TAF6L: variants seen among roughly 807,000 people sequenced by gnomAD.
TAF6L encodes TATA-box binding protein associated factor 6 like, also known as TAF6-like RNA polymerase II p300/CBP-associated factor-associated factor 65 kDa subunit 6L.
In TAF6L, 34 loss-of-function variants were observed where a neutral mutation model predicts 57.3. The observed-to-expected ratio is 0.59, with a 90% CI of 0.45 to 0.79. TAF6L has a LOEUF of 0.79. Ranked by LOEUF, TAF6L falls within the 30% of genes least tolerant of loss-of-function variation. TAF6L has a pLI of 0.00. For synonymous variants in TAF6L, 417 were observed against 376.3 expected (o/e 1.11, Z -1.25); for missense variants, 782 against 853.2 (o/e 0.92, Z 1.04).
intron 9 of TAF6L, among the ~76,000 whole-genome samples, chr11:62,785,350 C>A (rs1214709760): frequency 6.6e-6 from 1 of 151,474 alleles, no homozygotes; most frequent in African/African-American, 2.4e-5. Flanking sequence ...CACCACCATA[C>A]CTGGCTAATT....
At position 62,787,280 on chromosome 11, in the gene TAF6L, T is replaced by TGTACTTGCC. The variant is rs1467849868; in HGVS notation, c.1855_1863dup (p.Tyr619_Pro621dup). ...CGGTGGGCGCTCTCGGACTACTCGC[T>TGTACTTGCC]GTACTTGCCGCTCTGAGTCAGTGGC... On this transcript the variant is annotated inframe_insertion, in exon 11 of 11. Transcript: ENST00000294168. 3.2e-6 allele frequency: 5 copies of TGTACTTGCC among 1,547,340 alleles called. No individual in the cohort carries two copies. In the Admixed American group the frequency reaches 9.6e-5, roughly 30 times the overall value.
intron 6 of TAF6L, among the ~76,000 whole-genome samples, chr11:62,779,896 C>G (rs2084214386): frequency 6.9e-6 from 1 of 144,684 alleles, no homozygotes; most frequent in African/African-American, 2.5e-5. Flanking sequence ...AAACTCCTGA[C>G]CTCAGGTGAT....
rs115442656 is a variant in TAF6L, at chr11:62,778,138, G to A, written c.385+10G>A. 1.7e-3 allele frequency: 2,736 copies of A among 1,614,090 alleles called. 40 individuals carry two copies. The African/African-American group carries it at 0.032, about 19-fold the overall frequency. ...GAGACAGCTGTCAGAGGTGGCTGCCGGGGTCCTGCATGGGTTGGGGATGGG... is the reference window on the plus strand; with the variant it reads ...GAGACAGCTGTCAGAGGTGGCTGCCAGGGTCCTGCATGGGTTGGGGATGGG... On this transcript the variant is annotated intron_variant, in intron 4 of 10. Coordinates refer to ENST00000294168, the MANE Select transcript of TAF6L (RefSeq NM_006473.4).
chr11:62,787,219 C>G lies in TAF6L; in HGVS notation c.1792C>G (p.Leu598Val). The G allele has an allele frequency of 1.9e-6, 3 of 1,587,544 alleles. No homozygotes were observed. The highest frequency in any genetic ancestry group is 1.7e-4 in the Middle Eastern group (1 of 6,030). The change falls in exon 11 of 11, where the codon CTG becomes GTG. Residue 598 changes from leucine to valine, a missense_variant. Physicochemically the swap from Leu to Val is conservative, Grantham distance 32 (BLOSUM62 1). Transcript: ENST00000294168. ...PSPASRYVQK[L>V]PMIGRTSRPA... ...CCCGGCCTCGCGCTACGTGCAGAAA[C>G]TGCCCATGATCGGCCGTACCAGCCG...
At chr11:62,773,435 C>T (rs1324698832) in intron 1 of TAF6L, among the ~76,000 whole-genome samples, 3 of 150,748 alleles carry the variant, frequency 2.0e-5, no homozygotes, top group African/African-American at 4.9e-5. Context: ...TGAGCCACTG[C>T]GCCCGGCCTA....
At chr11:62,774,485 A>G in intron 1 of TAF6L, 4 of 435,250 alleles carry the variant, frequency 9.2e-6, no homozygotes, top group South Asian at 6.5e-5. Flanking sequence ...CTGGTGACCC[A>G]TTGATCCCCT....
chr11:62,772,510 G>A (rs1346713086), intron 1 of TAF6L, among the ~76,000 whole-genome samples: 2 of 146,766 alleles, frequency 1.4e-5, no homozygotes, highest in South Asian at 2.2e-4. Context: ...GTGACAGAGC[G>A]AGACTGTGTC....
In TAF6L at chr11:62,787,278, G is replaced by C; in HGVS notation, c.1851G>C (p.Ser617=). The change falls in exon 11 of 11, where the codon TCG becomes TCC. Residue 617 remains serine, a synonymous_variant. Coordinates refer to ENST00000294168, the MANE Select transcript of TAF6L (RefSeq NM_006473.4). Reference sequence around the variant, plus strand: ...GCCGGTGGGCGCTCTCGGACTACTCGCTGTACTTGCCGCTCTGAGTCAGTG... The same window carrying C: ...GCCGGTGGGCGCTCTCGGACTACTCCCTGTACTTGCCGCTCTGAGTCAGTG... The part of the protein sequence containing the change: ...PARRWALSDY[S]LYLPL The C allele has an allele frequency of 1.3e-6, 2 of 1,549,660 alleles. No homozygotes were observed. Among genetic ancestry groups the C allele is most frequent in the Non-Finnish European group, 1.7e-6 (2 of 1,155,484 alleles).
chr11:62,780,929 T>G (rs1209415428), intron 6 of TAF6L, among the ~76,000 whole-genome samples: 5 of 105,892 alleles, frequency 4.7e-5, no homozygotes, highest in African/African-American at 1.5e-4. Flanking sequence ...AGAGTGAGAC[T>G]CCATCTCAAA....
intron 1 of TAF6L, chr11:62,772,084 T>G (rs1158156798): frequency 6.6e-6 from 3 of 456,252 alleles, no homozygotes; most frequent in South Asian, 4.6e-5. Context: ...TACTTCATGA[T>G]CTTGGAGAAG....
intron 6 of TAF6L, among the ~76,000 whole-genome samples, chr11:62,781,567 G>C (rs1001400844): frequency 6.6e-6 from 1 of 151,218 alleles, no homozygotes; most frequent in Non-Finnish European, 1.5e-5. Flanking sequence ...CCAGCTACTC[G>C]GGAGGCTGAG....
rs776998318 is a variant in TAF6L at position 62,775,838 on chromosome 11, C to A, written c.55C>A (p.Leu19Ile). ...GGAGATCCCTCGGGAGTCTGTCCGG[C>A]TCATGGCGGAGAGCACGGGCCTGGA... ...FVEIPRESVR[L>I]MAESTGLELS... The change falls in exon 2 of 11, where the codon CTC becomes ATC. Residue 19 changes from leucine to isoleucine, a missense_variant. Around this residue, in one of 3 missense-constraint regions of TAF6L, gnomAD observed 220 missense variants for 252.1 expected, o/e 0.87. Transcript: ENST00000294168. 1 of 1,613,256 alleles carries A rather than the reference C, an allele frequency of 6.2e-7. No individual in the cohort carries two copies. Among genetic ancestry groups the A allele is most frequent in the South Asian group, 1.1e-5 (1 of 91,060 alleles).
At chr11:62,777,262 G>T (rs552691143) in intron 3 of TAF6L, among the ~76,000 whole-genome samples, 1 of 152,288 alleles carries the variant, frequency 6.6e-6, no homozygotes, top group Admixed American at 6.5e-5. Context: ...GGAAGGCGTA[G>T]GTTGCAGTGA....
At chr11:62,775,505 A>G (rs2084179805) in intron 1 of TAF6L, 1 of 380,694 alleles carries the variant, frequency 2.6e-6, no homozygotes, top group Non-Finnish European at 4.8e-6. Flanking sequence ...GCCTTGGCCA[A>G]ATTCACATAG....
chr11:62,772,049 T>TC, intron 1 of TAF6L: 1 of 454,980 alleles, frequency 2.2e-6, no homozygotes, highest in Non-Finnish European at 4.4e-6. Context: ...GAGTCCTTGC[T>TC]CCCCCTCCCT....
chr11:62,786,757 C>G lies in TAF6L; in HGVS notation c.1330C>G (p.Leu444Val). Residue 444 changes from leucine (L) to valine (V), a missense_variant, in exon 11 of 11, where the codon CTC (leucine) becomes GTC (valine). By Grantham distance (32) the Leu-to-Val change is conservative. Around this residue, in one of 3 missense-constraint regions of TAF6L, gnomAD observed 483 missense variants for 445.1 expected, o/e 1.09. Coordinates refer to ENST00000294168, the MANE Select transcript of TAF6L (RefSeq NM_006473.4). ...SVTLADIYRE[L>V]YAFFGDSLAT... ...GACCCTGGCCGACATCTACCGGGAG[C>G]TCTACGCCTTCTTCGGTGACAGCTT... 6.2e-7 allele frequency: 1 copy of G among 1,613,058 alleles called. No individual in the cohort carries two copies.
chr11:62,772,149 A>G (rs1185503996), intron 1 of TAF6L: 1 of 456,246 alleles, frequency 2.2e-6, no homozygotes, highest in Non-Finnish European at 4.4e-6. Context: ...AATAGACGAA[A>G]TACATAATAA....
At chr11:62,783,342 TGTG>T (rs1351667715) in intron 9 of TAF6L, among the ~76,000 whole-genome samples, 1 of 151,818 alleles carries the variant, frequency 6.6e-6, no homozygotes, top group African/African-American at 2.4e-5. Flanking sequence ...ATTAGCCTGG[TGTG>T]GTGGCGGGCG....
intron 2 of TAF6L, 88 bp downstream of exon 2, chr11:62,776,018 A>T: frequency 6.9e-7 from 1 of 1,459,462 alleles, no homozygotes; most frequent in Non-Finnish European, 9.2e-7. Context: ...ATTCAAGTGT[A>T]CACTGGGTGC....
Sources: gnomAD v4.1 joint callset for allele counts (sites outside exome capture counted in the v4.1 genomes callset) on GRCh38, gnomAD v4.1.1 for gene constraint, gnomAD v4.1.1 regional missense constraint, MANE v1.5 for transcripts, NCBI Gene and HGNC (gene_info 2026-07-23, HGNC 2026-07-21) for gene names.